FOXP2: variants seen among roughly 807,000 people sequenced by gnomAD.
FOXP2 encodes forkhead box P2.
Under a neutral mutation model 115.8 loss-of-function variants are expected in FOXP2, and 12 were observed. The ratio of observed to expected loss-of-function variants is 0.10; its 90% confidence interval spans 0.07 to 0.17. The LOEUF is 0.17. Among genes scored for constraint, FOXP2 ranks in the 10% least tolerant of loss-of-function variants. The probability of loss-of-function intolerance (pLI) is 1.00; values close to 1 mark genes in which losing one functional copy is unlikely to be tolerated. For synonymous variants in FOXP2, 328 were observed against 297.7 expected, an observed-to-expected ratio of 1.10 and a Z score of -1.05; for missense variants, 629 against 843.5, an observed-to-expected ratio of 0.75 and a Z score of 3.15.
chr7:114,561,097 T>C (rs1304808212), intron 3 of FOXP2: 1 of 152,220 alleles, frequency 6.6e-6, no homozygotes, highest in Non-Finnish European at 1.5e-5. Flanking sequence ...GGAATTTAAT[T>C]GGCCTAACTT....
chr7:114,464,157 A>G (rs1795705495), intron 2 of FOXP2, among the ~76,000 whole-genome samples: 1 of 152,192 alleles, frequency 6.6e-6, no homozygotes, highest in Non-Finnish European at 1.5e-5. Context: ...GGAAATTTTT[A>G]GTAAATGTGG....
intron 2 of FOXP2, among the ~76,000 whole-genome samples, chr7:114,379,493 T>G (rs1792227273): frequency 6.6e-6 from 1 of 151,986 alleles, no homozygotes; most frequent in South Asian, 2.1e-4. Flanking sequence ...CCTGCTGAAT[T>G]GGGGCATAGT....
chr7:114,353,285 T>C (rs1036426281), intron 2 of FOXP2, among the ~76,000 whole-genome samples: 1 of 150,258 alleles, frequency 6.7e-6, no homozygotes, highest in Non-Finnish European at 1.5e-5. Context: ...AAACTTTTCC[T>C]CCGATAGCCC....
At chr7:114,388,901 A>G (rs1308281871) in intron 2 of FOXP2, among the ~76,000 whole-genome samples, 2 of 152,204 alleles carry the variant, frequency 1.3e-5, no homozygotes, top group Non-Finnish European at 2.9e-5. Context: ...TTAGGCCACT[A>G]TAGAACTTTT....
intron 3 of FOXP2, among the ~76,000 whole-genome samples, chr7:114,538,994 A>C (rs1221360291): frequency 6.6e-6 from 1 of 151,928 alleles, no homozygotes; most frequent in Non-Finnish European, 1.5e-5. Context: ...CTACATAAAA[A>C]TTATTTAACC....
intron 2 of FOXP2, among the ~76,000 whole-genome samples, chr7:114,463,558 T>C (rs1231416350): frequency 6.6e-6 from 1 of 152,224 alleles, no homozygotes; most frequent in East Asian, 1.9e-4. Flanking sequence ...TTATAAGTGA[T>C]AGACCACTGA....
At chr7:114,642,712 G>A (rs974001194) in intron 7 of FOXP2, 89 bp downstream of exon 7, 10 of 1,111,104 alleles carry the variant, frequency 9.0e-6, no homozygotes, top group Non-Finnish European at 1.3e-5. Context: ...TTTGTACTTG[G>A]AGCAAGGACA....
At chr7:114,480,346 A>C (rs1796470573) in intron 2 of FOXP2, among the ~76,000 whole-genome samples, 1 of 151,646 alleles carries the variant, frequency 6.6e-6, no homozygotes, top group African/African-American at 2.4e-5. Context: ...AAAAAACAAA[A>C]ACAAAATCAC....
chr7:114,677,867 T>C (rs1030380789), intron 16 of FOXP2, among the ~76,000 whole-genome samples: 2 of 152,222 alleles, frequency 1.3e-5, no homozygotes, highest in South Asian at 2.1e-4. Flanking sequence ...GTTTCATTCA[T>C]TTAAATTGGA....
chr7:114,157,960 TATATTTAAGAAACA>T (rs1353290165), intron 1 of FOXP2, among the ~76,000 whole-genome samples: 1 of 152,078 alleles, frequency 6.6e-6, no homozygotes. Context: ...TTCTTTGGTA[TATATTTAAGAAACA>T]ATATTTAAGA....
At chr7:114,086,947 G>T (rs1445846087), upstream of FOXP2, among the ~76,000 whole-genome samples, 10 of 152,078 alleles carry the variant, frequency 6.6e-5, no homozygotes, top group Admixed American at 6.5e-4. Context: ...ATGTTGCTTC[G>T]TCCGGAGAGA....
intron 2 of FOXP2, among the ~76,000 whole-genome samples, chr7:114,374,471 A>G (rs1240534872): frequency 6.6e-6 from 1 of 152,206 alleles, no homozygotes; most frequent in Non-Finnish European, 1.5e-5. Flanking sequence ...GTATGTTAAC[A>G]ATGTGCAAAA....
At chr7:114,647,844 T>C (rs1806000419) in intron 8 of FOXP2, among the ~76,000 whole-genome samples, 2 of 151,998 alleles carry the variant, frequency 1.3e-5, no homozygotes, top group Non-Finnish European at 2.9e-5. Context: ...CAATATAACA[T>C]TCCATTTAGC....
intron 1 of FOXP2, among the ~76,000 whole-genome samples, chr7:114,234,075 A>G (rs1794952018): frequency 6.6e-6 from 1 of 152,170 alleles, no homozygotes; most frequent in Non-Finnish European, 1.5e-5. Flanking sequence ...TATTGAGATT[A>G]CGTGTGTTTT....
At chr7:114,256,308 T>C (rs1795611865) in intron 1 of FOXP2, among the ~76,000 whole-genome samples, 1 of 152,152 alleles carries the variant, frequency 6.6e-6, no homozygotes, top group African/African-American at 2.4e-5. Flanking sequence ...GGTTTCTCCA[T>C]GTTGATCAGG....
chr7:114,095,188 T>A (rs1799619610), intron 1 of FOXP2, among the ~76,000 whole-genome samples: 1 of 152,218 alleles, frequency 6.6e-6, no homozygotes, highest in Non-Finnish European at 1.5e-5. Flanking sequence ...TATACCTGTC[T>A]ATAACTATTG....
chr7:114,619,917 G>C (rs532872228), intron 3 of FOXP2, among the ~76,000 whole-genome samples: 2 of 152,162 alleles, frequency 1.3e-5, no homozygotes, highest in East Asian at 3.9e-4. Context: ...GCAGGAAATA[G>C]TTTTGCATGA....
At chr7:114,514,622 A>G (rs980407341) in intron 2 of FOXP2, among the ~76,000 whole-genome samples, 1 of 151,798 alleles carries the variant, frequency 6.6e-6, no homozygotes, top group Non-Finnish European at 1.5e-5. Flanking sequence ...TTGATTCCAT[A>G]TCTTAGCTAT....
At chr7:114,436,528 A>G (rs937509054) in intron 2 of FOXP2, among the ~76,000 whole-genome samples, 6 of 151,558 alleles carry the variant, frequency 4.0e-5, no homozygotes, top group African/African-American at 1.2e-4. Context: ...TTATTAATTT[A>G]CTAAATAAGT....
Sources: allele counts gnomAD v4.1 joint callset (sites outside exome capture counted in the v4.1 genomes callset), GRCh38; gene constraint gnomAD v4.1.1; transcripts MANE v1.5; gene names NCBI Gene and HGNC (gene_info 2026-07-23, HGNC 2026-07-21).